UGT2A1: variants seen among roughly 807,000 people sequenced by gnomAD.
UGT2A1 encodes UDP-glucuronosyltransferase 2A1.
UGT2A1 carries 61 observed loss-of-function variants against 45.4 expected under a neutral mutation model. That is an observed-to-expected ratio of 1.34 (90% CI 1.09 to 1.66). UGT2A1 has a LOEUF of 1.66. Ranked by LOEUF, UGT2A1 falls within the 40% of genes most tolerant of loss-of-function variation. The probability of loss-of-function intolerance (pLI) is 0.00; values close to 1 mark genes in which losing one functional copy is unlikely to be tolerated. For synonymous variants in UGT2A1, 229 were observed against 196.2 expected, an observed-to-expected ratio of 1.17 and a Z score of -1.40; for missense variants, 649 against 574.3, an observed-to-expected ratio of 1.13 and a Z score of -1.33.
intron 2 of UGT2A1, among the ~76,000 whole-genome samples, chr4:69,637,928 CAGGAAGGA>C (rs989226820): frequency 8.5e-6 from 1 of 117,080 alleles, no homozygotes; most frequent in African/African-American, 3.6e-5. Flanking sequence ...GGCAGGCAGG[CAGGAAGGA>C]AGGAAGGAAA....
rs745503070 is a variant in UGT2A1 at position 69,639,247 on chromosome 4, T to A, written c.716-3425A>T. ...TTTAGTACACCATCACAGAGTTGTA[T>A]GTTAATTTGAAAGAAAGTGTCTAGA... On this transcript the variant is annotated intron_variant, in intron 2 of 6. Transcript: ENST00000286604. 4.3e-6 allele frequency: 7 copies of A among 1,613,588 alleles called. No homozygotes were observed. In the Admixed American group the frequency reaches 6.7e-5, roughly 15 times the overall value.
At chr4:69,618,707 T>C (rs748765395) in intron 3 of UGT2A1, among the ~76,000 whole-genome samples, 12 of 152,104 alleles carry the variant, frequency 7.9e-5, no homozygotes, top group Non-Finnish European at 1.2e-4. Flanking sequence ...AATTCTAAGT[T>C]CAATCAATTC....
At chr4:69,632,488 C>G (rs1293233261) in intron 3 of UGT2A1, among the ~76,000 whole-genome samples, 1 of 152,106 alleles carries the variant, frequency 6.6e-6, no homozygotes, top group African/African-American at 2.4e-5. Context: ...AGCATAATCT[C>G]ACGGAGGATA....
At chr4:69,635,951 G>A (rs1721680073) in intron 2 of UGT2A1, 129 bp from the exon 3 acceptor site, 1 of 151,546 alleles carries the variant, frequency 6.6e-6, no homozygotes, top group Admixed American at 6.6e-5. Context: ...CTGGATATGA[G>A]TAGCAGTGAT....
intron 3 of UGT2A1, among the ~76,000 whole-genome samples, chr4:69,634,042 G>A (rs959175225): frequency 1.3e-5 from 2 of 151,986 alleles, no homozygotes; most frequent in Admixed American, 6.6e-5. Context: ...TCAGGAGATC[G>A]AGACCATCCT....
chr4:69,640,289 A>C (rs1172714307), intron 2 of UGT2A1, among the ~76,000 whole-genome samples: 1 of 66,482 alleles, frequency 1.5e-5, no homozygotes, highest in African/African-American at 6.5e-5. Context: ...TTTCTCAAAG[A>C]AAAATGAGAG....
In UGT2A1 at chr4:69,588,889, A is replaced by C. The variant is rs984132821; in HGVS notation, c.*483T>G. The stretch of plus-strand genomic sequence containing the variant: ...AAGAGTTTGTTTTTATTAAAAAAGG[A>C]AATCATTACCTTTCTCATAACACAC... On this transcript the variant is annotated 3_prime_UTR_variant, in exon 7 of 7. Coordinates refer to ENST00000286604, the MANE Select transcript of UGT2A1 (RefSeq NM_001252275.3). The C allele has an allele frequency of 6.6e-6, 1 of 152,172 alleles. No homozygotes were observed. The highest frequency in any genetic ancestry group is 1.5e-5 in the Non-Finnish European group (1 of 68,112). The allele number at this position is 152,172 out of a possible 1,614,324, so 9.4% of individuals were successfully genotyped here. A position where few individuals can be genotyped will look rare whatever the true frequency, so the allele number is the denominator to read the frequency against.
In UGT2A1 at chr4:69,630,986, T is replaced by G. The variant is rs1027305157; in HGVS notation, c.847+4705A>C. Among the ~76,000 whole-genome samples the G allele has an allele frequency of 2.0e-5, 3 of 152,288 alleles. No homozygotes were observed. In the South Asian group the frequency reaches 6.2e-4, roughly 32 times the overall value. On this transcript the variant is annotated intron_variant, in intron 3 of 6. Transcript: ENST00000286604. ...TTAAATGTTATTAATAACTTGAATG[T>G]GATCTCTGTGATAGGATGTCCCAGC...
At chr4:69,617,853 T>G (rs1302817073) in intron 3 of UGT2A1, among the ~76,000 whole-genome samples, 2 of 151,894 alleles carry the variant, frequency 1.3e-5, no homozygotes, top group East Asian at 3.9e-4. Context: ...ATAATTGTCT[T>G]ATGTAAAAAT....
intron 5 of UGT2A1, 134 bp from the exon 6 acceptor site, chr4:69,594,830 A>G: frequency 8.8e-7 from 1 of 1,138,972 alleles, no homozygotes; most frequent in Non-Finnish European, 1.2e-6. Context: ...CAGATCACAT[A>G]GGGCATTGGA....
At chr4:69,596,533 A>AT (rs576089392) in intron 4 of UGT2A1, 1,013 of 1,179,436 alleles carry the variant, frequency 8.6e-4, no homozygotes, top group African/African-American at 4.0e-3. Context: ...TAGTTTCTAT[A>AT]TTTTTTTTTG....
intron 1 of UGT2A1, 24 bp from the exon 2 acceptor site, chr4:69,647,722 C>T (rs1237539375): frequency 9.3e-7 from 1 of 1,080,470 alleles, no homozygotes; most frequent in Admixed American, 3.2e-5. Flanking sequence ...AAAGGAAAGA[C>T]AAAATTATTT....
intron 6 of UGT2A1, among the ~76,000 whole-genome samples, chr4:69,593,809 G>A (rs1718725467): frequency 6.6e-6 from 1 of 151,532 alleles, no homozygotes; most frequent in Admixed American, 6.6e-5. Context: ...TTATTACTGA[G>A]CGTATTATCA....
chr4:69,594,430 A>G, intron 6 of UGT2A1, 47 bp downstream of exon 6: 2 of 1,598,262 alleles, frequency 1.3e-6, no homozygotes, highest in Non-Finnish European at 1.7e-6. Context: ...GGTATTATGA[A>G]TAATGTAATT....
In UGT2A1 at chr4:69,647,068, C is replaced by T; in HGVS notation, c.577G>A (p.Val193Ile). The T allele has an allele frequency of 1.2e-6, 2 of 1,612,874 alleles. No homozygotes were observed. Among genetic ancestry groups the T allele is most frequent in the Non-Finnish European group, 1.7e-6 (2 of 1,179,286 alleles). ...CGKVPYPPSY[V>I]PAVLSELTDQ... ...GTGAGTTCTGATAAAACAGCAGGAA[C>T]ATAGGAAGGAGGGTATGGTACCTTC... The change falls in exon 2 of 7, where the codon GTT becomes ATT. Residue 193 changes from valine to isoleucine, a missense_variant. Physicochemically the swap from Val to Ile is conservative, Grantham distance 29. Coordinates refer to ENST00000286604, the MANE Select transcript of UGT2A1 (RefSeq NM_001252275.3).
intron 3 of UGT2A1, among the ~76,000 whole-genome samples, chr4:69,613,269 A>C (rs1560478852): frequency 6.6e-6 from 1 of 151,990 alleles, no homozygotes; most frequent in Admixed American, 6.6e-5. Context: ...TATATAGCCC[A>C]TAAGACTGAA....
intron 3 of UGT2A1, among the ~76,000 whole-genome samples, chr4:69,632,890 A>C (rs1387869403): frequency 1.3e-5 from 2 of 151,952 alleles, no homozygotes; most frequent in African/African-American, 4.8e-5. Context: ...TCGGTCAAAA[A>C]AAAAAAAAAA....
intron 3 of UGT2A1, among the ~76,000 whole-genome samples, chr4:69,628,696 G>C (rs1227766482): frequency 1.4e-5 from 2 of 146,948 alleles, no homozygotes; most frequent in East Asian, 2.0e-4. Context: ...AAAAATAAAA[G>C]CATTTTCTTT....
rs1721707951 is a variant in UGT2A1, at chr4:69,636,309, T to G, written c.716-487A>C. Among the ~76,000 whole-genome samples the G allele has an allele frequency of 2.6e-5, 4 of 152,312 alleles. No homozygotes were observed. In the South Asian group the frequency reaches 8.3e-4, roughly 32 times the overall value. On this transcript the variant is annotated intron_variant, in intron 2 of 6. Transcript: ENST00000286604. Reference sequence around the variant, plus strand: ...ATTGTGTATCTGCCCTCTTTCAATATCAGTTTACAGTTAGCAGGTGTTCTT... The same window carrying G: ...ATTGTGTATCTGCCCTCTTTCAATAGCAGTTTACAGTTAGCAGGTGTTCTT...
Sources: allele counts gnomAD v4.1 joint callset (sites outside exome capture counted in the v4.1 genomes callset), GRCh38; gene constraint gnomAD v4.1.1; transcripts MANE v1.5; gene names NCBI Gene and HGNC (gene_info 2026-07-23, HGNC 2026-07-21).